KCND2: variants seen among roughly 807,000 people sequenced by gnomAD.
KCND2 encodes potassium voltage-gated channel subfamily D member 2.
KCND2 carries 16 observed loss-of-function variants against 54.4 expected under a neutral mutation model. The observed-to-expected ratio is 0.29, with a 90% CI of 0.20 to 0.45. KCND2 has a LOEUF of 0.45. Among genes scored for constraint, KCND2 ranks in the 20% least tolerant of loss-of-function variants. The pLI is 1.00. For missense variants in KCND2, 486 were observed against 824.2 expected, an observed-to-expected ratio of 0.59 and a Z score of 5.02; for synonymous variants, 317 against 310.7, an observed-to-expected ratio of 1.02 and a Z score of -0.21.
intron 1 of KCND2, among the ~76,000 whole-genome samples, chr7:120,714,928 T>G (rs1181419169): frequency 6.6e-6 from 1 of 152,092 alleles, no homozygotes; most frequent in Admixed American, 6.6e-5. Flanking sequence ...CAGAATAACT[T>G]GTTGAAATAC....
At chr7:120,321,958 A>G (rs1030904516) in intron 1 of KCND2, among the ~76,000 whole-genome samples, 59 of 152,128 alleles carry the variant, frequency 3.9e-4, no homozygotes, top group Non-Finnish European at 8.8e-5. Flanking sequence ...GATGATGTTA[A>G]TATTAATGAG....
At chr7:120,739,943 A>G (rs958602713) in intron 2 of KCND2, among the ~76,000 whole-genome samples, 1 of 152,122 alleles carries the variant, frequency 6.6e-6, no homozygotes, top group Non-Finnish European at 1.5e-5. Flanking sequence ...AAGATGCTTT[A>G]AAAATTAATT....
chr7:120,489,293 G>A (rs1373921903), intron 1 of KCND2, among the ~76,000 whole-genome samples: 1 of 151,942 alleles, frequency 6.6e-6, no homozygotes, highest in East Asian at 1.9e-4. Flanking sequence ...CTAGATAGAT[G>A]CATAAGTCAT....
chr7:120,686,901 G>T (rs564660895), intron 1 of KCND2, among the ~76,000 whole-genome samples: 24 of 152,246 alleles, frequency 1.6e-4, no homozygotes, highest in African/African-American at 5.8e-4. Context: ...AGTTTCATTT[G>T]TTTCTATCTA....
chr7:120,581,925 G>T (rs1792520501), intron 1 of KCND2, among the ~76,000 whole-genome samples: 1 of 151,904 alleles, frequency 6.6e-6, no homozygotes, highest in African/African-American at 2.4e-5. Context: ...TGTTGGTCAG[G>T]CTGGTCTCAA....
intron 1 of KCND2, among the ~76,000 whole-genome samples, chr7:120,484,683 G>T (rs1802665731): frequency 7.0e-6 from 1 of 143,454 alleles, no homozygotes; most frequent in Non-Finnish European, 1.5e-5. Context: ...TTAAGATTCA[G>T]GCTTATATAT....
chr7:120,574,424 A>G (rs529641268), intron 1 of KCND2, among the ~76,000 whole-genome samples: 4 of 152,326 alleles, frequency 2.6e-5, no homozygotes, highest in Admixed American at 6.5e-5. Context: ...ATAAAGGTAA[A>G]TATGTCCAAT....
At chr7:120,617,804 CTATGCAGCTATTTAAAAAATCATAT>C (rs557098208) in intron 1 of KCND2, among the ~76,000 whole-genome samples, 208 of 152,282 alleles carry the variant, frequency 1.4e-3, no homozygotes, top group African/African-American at 4.6e-3. Context: ...CCATGGAATA[CTATGCAGCTATTTAAAAAATCATAT>C]TATGCAGCTA....
At chr7:120,504,674 G>A (rs1389384523) in intron 1 of KCND2, among the ~76,000 whole-genome samples, 1 of 151,746 alleles carries the variant, frequency 6.6e-6, no homozygotes, top group African/African-American at 2.4e-5. Context: ...AAAAATATTG[G>A]TATACATGTT....
intron 1 of KCND2, among the ~76,000 whole-genome samples, chr7:120,637,341 A>G (rs1425270227): frequency 6.6e-6 from 1 of 152,108 alleles, no homozygotes; most frequent in Non-Finnish European, 1.5e-5. Flanking sequence ...GATAAATCCA[A>G]AACTTCTTTG....
intron 1 of KCND2, among the ~76,000 whole-genome samples, chr7:120,588,187 C>T (rs999531418): frequency 3.3e-5 from 5 of 151,964 alleles, no homozygotes; most frequent in African/African-American, 1.2e-4. Context: ...AATCTTTACC[C>T]AAATAAAGTG....
chr7:120,406,495 T>G (rs937555257), intron 1 of KCND2, among the ~76,000 whole-genome samples: 10 of 152,048 alleles, frequency 6.6e-5, no homozygotes, highest in Non-Finnish European at 1.3e-4. Flanking sequence ...TCATAGAATT[T>G]AATGACTTTT....
chr7:120,336,717 G>A (rs181945241), intron 1 of KCND2, among the ~76,000 whole-genome samples: 22 of 151,434 alleles, frequency 1.5e-4, no homozygotes, highest in African/African-American at 4.6e-4. Context: ...CAAAAGAGAT[G>A]AGAAAAAAAA....
intron 1 of KCND2, among the ~76,000 whole-genome samples, chr7:120,562,394 A>G (rs1268876433): frequency 2.0e-5 from 3 of 152,240 alleles, no homozygotes. Flanking sequence ...CAAGGACTAA[A>G]CATTGGGAGT....
intron 1 of KCND2, among the ~76,000 whole-genome samples, chr7:120,494,312 A>T (rs1264191951): frequency 1.3e-5 from 2 of 152,112 alleles, no homozygotes; most frequent in East Asian, 3.9e-4. Context: ...TATGCACTGC[A>T]TATGTTTATT....
intron 1 of KCND2, among the ~76,000 whole-genome samples, chr7:120,641,712 CT>C (rs1159531617): frequency 4.7e-5 from 7 of 148,596 alleles, no homozygotes; most frequent in Non-Finnish European, 1.5e-5. Flanking sequence ...CTGGATATTC[CT>C]TTTAAAGTAA....
intron 1 of KCND2, among the ~76,000 whole-genome samples, chr7:120,478,940 G>A (rs1802566171): frequency 6.6e-6 from 1 of 152,094 alleles, no homozygotes; most frequent in South Asian, 2.1e-4. Flanking sequence ...TTTACACAAA[G>A]GATAGGACCT....
At chr7:120,687,342 C>T (rs1268083549) in intron 1 of KCND2, among the ~76,000 whole-genome samples, 7 of 152,056 alleles carry the variant, frequency 4.6e-5, no homozygotes, top group Non-Finnish European at 1.0e-4. Flanking sequence ...TTAATGAATT[C>T]TAGAGATCTG....
chr7:120,274,991 C>T lies in KCND2; in HGVS notation c.359C>T (p.Ala120Val), dbSNP rs1199722034. The change falls in exon 1 of 6, where the codon GCC (alanine) becomes GTC (valine). Residue 120 changes from alanine to valine, a missense_variant. By Grantham distance (64) the Ala-to-Val change is moderately conservative. Around this residue, in one of 7 missense-constraint regions of KCND2, gnomAD observed 231 missense variants for 386.0 expected, o/e 0.60. Transcript: ENST00000331113. ...ECISAYDEEL[A>V]FFGLIPEIIG... is the part of the protein sequence containing the mutation. ...ATCTCTGCTTACGATGAAGAACTGG[C>T]CTTCTTTGGCCTCATCCCGGAAATC... 1.9e-6 allele frequency: 3 copies of T among 1,614,092 alleles called. No homozygotes were observed. Among genetic ancestry groups the T allele is most frequent in the South Asian group, 1.1e-5 (1 of 91,080 alleles).
Sources: allele counts gnomAD v4.1 joint callset (sites outside exome capture counted in the v4.1 genomes callset), GRCh38; gene constraint gnomAD v4.1.1; regional missense constraint gnomAD v4.1.1; transcripts MANE v1.5; gene names NCBI Gene and HGNC (gene_info 2026-07-23, HGNC 2026-07-21).